Variants in TAOK2 observed in about 807,000 individuals in gnomAD.
The protein encoded by TAOK2 is serine/threonine-protein kinase TAO2.
TAOK2 carries 42 observed loss-of-function variants against 122.5 expected under a neutral mutation model. That is an observed-to-expected ratio of 0.34 (90% CI 0.27 to 0.44). The LOEUF is 0.44. TAOK2 is among the 20% of genes least tolerant of loss of function. The pLI is 1.00. For synonymous variants in TAOK2, 704 were observed against 677.6 expected (o/e 1.04, Z -0.61); for missense variants, 1,264 against 1,644.9 (o/e 0.77, Z 4.01).
downstream of TAOK2, chr16:29,989,677 C>G: frequency 1.2e-6 from 2 of 1,614,086 alleles, no homozygotes; most frequent in Non-Finnish European, 8.5e-7. Flanking sequence ...AGCACACTTG[C>G]TGGAGACCAC....
At chr16:29,978,382 C>T (rs1363593716) in intron 4 of TAOK2, 29 bp downstream of exon 4, 1 of 1,604,660 alleles carries the variant, frequency 6.2e-7, no homozygotes, top group Non-Finnish European at 8.5e-7. Context: ...CTGGCCTGAT[C>T]TTTACTCCTA....
In TAOK2 at chr16:29,987,359, C is replaced by G. The variant is rs760242564; in HGVS notation, c.3087C>G (p.Val1029=). Residue 1029 remains valine (V), a synonymous_variant, in exon 16 of 16, where the codon GTC becomes GTG. Coordinates refer to ENST00000308893, the MANE Select transcript of TAOK2 (RefSeq NM_016151.4). The stretch of plus-strand genomic sequence containing the variant: ...CCCAGGGTACCGCACTGGGGGCCGT[C>G]CTGGGCCTGAGCTGGCGCCGAGGCC... ...LLAQGTALGA[V]LGLSWRRGLM... is the part of the protein sequence containing the mutation. 3.1e-6 allele frequency: 5 copies of G among 1,589,792 alleles called. No homozygotes were observed. Among genetic ancestry groups the G allele is most frequent in the Non-Finnish European group, 3.4e-6 (4 of 1,166,928 alleles).
downstream of TAOK2, chr16:29,989,166 C>G (rs1272249181): frequency 1.0e-6 from 1 of 985,174 alleles, no homozygotes; most frequent in South Asian, 4.7e-5. Context: ...TGCACGTTCT[C>G]ATATTTGCTC....
At chr16:29,976,994 G>T (rs1039983474) in intron 1 of TAOK2, among the ~76,000 whole-genome samples, 1 of 152,178 alleles carries the variant, frequency 6.6e-6, no homozygotes. Flanking sequence ...GTTGTAGTGA[G>T]GACTGAATAG....
chr16:29,983,479 G>C, intron 12 of TAOK2, 24 bp from the exon 13 acceptor site: 1 of 1,593,200 alleles, frequency 6.3e-7, no homozygotes, highest in East Asian at 2.2e-5. Flanking sequence ...CTGAGCCTTG[G>C]GTGTTCCTTC....
intron 13 of TAOK2, among the ~76,000 whole-genome samples, chr16:29,984,625 T>G (rs566012674): frequency 5.2e-4 from 79 of 152,244 alleles, no homozygotes; most frequent in South Asian, 3.3e-3. Flanking sequence ...GAGCCACTCA[T>G]AGAGTCAATT....
Position 29,987,207 on chromosome 16 carries a change from G to T in TAOK2, c.2935G>T (p.Ala979Ser). The change falls in exon 16 of 16, where the codon GCC becomes TCC. Residue 979 changes from alanine (A) to serine (S), a missense_variant. This residue lies in a region of TAOK2 where 824 missense variants were observed against 908.7 expected (regional missense o/e 0.91). Transcript: ENST00000308893. ...LLLLLLPLLAAQGGGGLQAAL... is the reference protein window; with the variant it reads ...LLLLLLPLLASQGGGGLQAAL... ...GCTGCTGCTGCTTCCATTGCTGGCA[G>T]CCCAGGGTGGGGGTGGCCTGCAGGC... The T allele has an allele frequency of 6.4e-7, 1 of 1,550,788 alleles. No individual in the cohort carries two copies. The highest frequency in any genetic ancestry group is 8.7e-7 in the Non-Finnish European group (1 of 1,154,196).
chr16:29,983,837 T>A, intron 13 of TAOK2, among the ~76,000 whole-genome samples, 173 bp downstream of exon 13: 1 of 152,232 alleles, frequency 6.6e-6, no homozygotes, highest in East Asian at 1.9e-4. Context: ...CTCTTCCCAG[T>A]GGACTGTTTT....
chr16:29,989,345 G>C, downstream of TAOK2: 1 of 984,890 alleles, frequency 1.0e-6, no homozygotes, highest in South Asian at 4.7e-5. Context: ...CTTGCCCATC[G>C]AGACCTTCCT....
intron 8 of TAOK2, among the ~76,000 whole-genome samples, chr16:29,980,126 A>C (rs757714118): frequency 6.6e-6 from 1 of 152,238 alleles, no homozygotes; most frequent in Non-Finnish European, 1.5e-5. Flanking sequence ...AATGCAGAGA[A>C]TATTGAAGGA....
downstream of TAOK2, chr16:29,989,751 G>C (rs146674095): frequency 6.8e-4 from 1,102 of 1,613,952 alleles, 3 homozygotes; most frequent in Middle Eastern, 9.1e-3. Context: ...GCAAGCTGGC[G>C]ATCTTGGCGG....
chr16:29,990,801 C>G, downstream of TAOK2: 1 of 1,610,332 alleles, frequency 6.2e-7, no homozygotes, highest in Non-Finnish European at 8.5e-7. Flanking sequence ...TTGATGAGAC[C>G]CAGGAGGCAG....
In TAOK2 at chr16:29,985,989, G is replaced by A; in HGVS notation, c.1992+128G>A. The A allele has an allele frequency of 3.3e-6, 4 of 1,228,374 alleles. No homozygotes were observed. Among genetic ancestry groups the A allele is most frequent in the Non-Finnish European group, 3.4e-6 (3 of 884,662 alleles). The allele number at this position is 1,228,374 out of a possible 1,614,324, so 76.1% of individuals were successfully genotyped here. A position where few individuals can be genotyped will look rare whatever the true frequency, so the allele number is the denominator to read the frequency against. On this transcript the variant is annotated intron_variant, in intron 15 of 15. Transcript: ENST00000308893. The surrounding 1 kb of genome is among the most constrained non-coding windows in gnomAD (Gnocchi z 6.9). ...AGTGTTACAGTTCAGCTTTGCTTCA[G>A]TGCCCCTTTTACTTCTCATCCCCAA... is the stretch of plus-strand genomic sequence containing the variant.
rs2069740850 is a variant in TAOK2 at position 29,985,080 on chromosome 16, T to C, written c.1423-133T>C. On this transcript the variant is annotated intron_variant, in intron 13 of 15. Transcript: ENST00000308893. This position sits in a 1 kb window ranked among gnomAD's most constrained non-coding sequence, Gnocchi z 6.9. ...TTGAGGAAACAGGCTAGAGTGGCCG[T>C]GTGTGAGGAAGGTGTTAAATGAGAA... The C allele has an allele frequency of 8.6e-7, 1 of 1,163,510 alleles. No homozygotes were observed. The highest frequency in any genetic ancestry group is 1.1e-6 in the Non-Finnish European group (1 of 878,834). 72.1% of individuals were successfully genotyped at this position (1,163,510 alleles called of 1,614,324 possible). A position where few individuals can be genotyped will look rare whatever the true frequency, so the allele number is the denominator to read the frequency against.
At chr16:29,988,895 G>A, downstream of TAOK2, 4 of 985,386 alleles carry the variant, frequency 4.1e-6, no homozygotes, top group Non-Finnish European at 4.8e-6. Context: ...GAGGGGCCGG[G>A]CTGGAATGCG....
rs117851778 is a variant in TAOK2 at position 29,983,023 on chromosome 16, G to A, written c.1000-49G>A. ...CTTCCCATGCTACCTCCATGCATAT[G>A]CCCCAGGGCTTCCCCTTCCCTGTCC... On this transcript the variant is annotated intron_variant, in intron 11 of 15. Coordinates refer to ENST00000308893, the MANE Select transcript of TAOK2 (RefSeq NM_016151.4). 258 of 1,609,864 alleles carry A rather than the reference G, an allele frequency of 1.6e-4. 7 individuals are homozygous for A. In the East Asian group the frequency reaches 3.5e-3, roughly 22 times the overall value.
chr16:29,990,709 A>C, downstream of TAOK2: 1 of 1,462,056 alleles, frequency 6.8e-7, no homozygotes, highest in Non-Finnish European at 9.2e-7. Flanking sequence ...CTTAGGGCCC[A>C]GGCCTACCTG....
Position 29,985,253 on chromosome 16 carries a change from T to C in TAOK2, c.1463T>C (p.Leu488Pro). Residue 488 changes from leucine (L) to proline (P), a missense_variant, in exon 14 of 16, where the codon CTG becomes CCG. Physicochemically the swap from Leu to Pro is moderately conservative, Grantham distance 98. Transcript: ENST00000308893. This position sits in a 1 kb window ranked among gnomAD's most constrained non-coding sequence, Gnocchi z 6.9. Reference sequence around the variant, plus strand: ...CAGGAGCATGAGCAGGACTCTGCGCTGCGGGAGCAGCTGAGCGGCTATAAG... The same window carrying C: ...CAGGAGCATGAGCAGGACTCTGCGCCGCGGGAGCAGCTGAGCGGCTATAAG... Reference protein sequence around the residue: ...QIQEHEQDSALREQLSGYKRM... With the variant: ...QIQEHEQDSAPREQLSGYKRM... The C allele has an allele frequency of 6.4e-7, 1 of 1,551,696 alleles. No individual in the cohort carries two copies. The highest frequency in any genetic ancestry group is 8.7e-7 in the Non-Finnish European group (1 of 1,147,340).
chr16:29,989,275 G>A (rs760737821), downstream of TAOK2: 262 of 984,954 alleles, frequency 2.7e-4, no homozygotes, highest in Non-Finnish European at 3.0e-4. Flanking sequence ...GTTCTTTCTC[G>A]TGGGTATCGC....
Sources: gnomAD v4.1 joint callset for allele counts (sites outside exome capture counted in the v4.1 genomes callset) on GRCh38, gnomAD v4.1.1 for gene constraint, gnomAD v4.1.1 regional missense constraint, Gnocchi (gnomAD v3.1) non-coding constraint, MANE v1.5 for transcripts, NCBI Gene and HGNC (gene_info 2026-07-23, HGNC 2026-07-21) for gene names.